PIEZO2: variants seen among roughly 807,000 people sequenced by gnomAD.
PIEZO2 encodes piezo type mechanosensitive ion channel component 2.
A neutral mutation model predicts 337.3 loss-of-function variants in PIEZO2; 172 were observed. The ratio of observed to expected loss-of-function variants is 0.51; its 90% CI spans 0.45 to 0.58. The LOEUF (loss-of-function observed/expected upper bound fraction) is 0.58, where lower values mean the gene tolerates loss of function less well. Ranked by LOEUF, PIEZO2 falls within the 20% of genes least tolerant of loss-of-function variation. PIEZO2 has a pLI of 0.00. For synonymous variants in PIEZO2, 1,251 were observed against 1,228.5 expected, an observed-to-expected ratio of 1.02 and a Z score of -0.38; for missense variants, 3,028 against 3,391.3, an observed-to-expected ratio of 0.89 and a Z score of 2.66.
intron 49 of PIEZO2, among the ~76,000 whole-genome samples, chr18:10,687,423 A>G (rs678187): frequency 0.98 from 148,708 of 152,176 alleles, 72,675 homozygotes; most frequent in East Asian, 1. Context: ...CGTGATGGTG[A>G]GGCATTGTAT....
Position 11,126,951 on chromosome 18 carries a change from T to C in PIEZO2, c.64+21574A>G, listed in dbSNP as rs2040199300. Reference sequence around the variant, plus strand: ...GAACATTTAAGGCAATGCACTGAACTGTTGTGTGCTTACTACAGGCCAGGC... The same window carrying C: ...GAACATTTAAGGCAATGCACTGAACCGTTGTGTGCTTACTACAGGCCAGGC... On this transcript the variant is annotated intron_variant, in intron 1 of 55. Transcript: ENST00000674853. This position sits in a 1 kb window ranked among gnomAD's most constrained non-coding sequence, Gnocchi z 4.6. 6.6e-6 allele frequency among the ~76,000 whole-genome samples: 1 copy of C among 152,184 alleles called. No individual in the cohort carries two copies. The highest frequency in any genetic ancestry group is 2.4e-5 in the African/African-American group (1 of 41,434).
chr18:10,725,250 C>A, intron 36 of PIEZO2: 3 of 1,563,314 alleles, frequency 1.9e-6, no homozygotes, highest in Non-Finnish European at 1.8e-6. Flanking sequence ...AGGCTGCCAC[C>A]GGCAGGCAGC....
chr18:10,944,924 C>A (rs1323424539), intron 3 of PIEZO2, among the ~76,000 whole-genome samples: 1 of 152,120 alleles, frequency 6.6e-6, no homozygotes, highest in African/African-American at 2.4e-5. Context: ...CTACCAGATT[C>A]TTGCCGTGAG....
At chr18:11,133,162 G>C (rs947512850) in intron 1 of PIEZO2, among the ~76,000 whole-genome samples, 1 of 152,094 alleles carries the variant, frequency 6.6e-6, no homozygotes, top group African/African-American at 2.4e-5. Flanking sequence ...GTATACACTT[G>C]TACTCAGAAA....
intron 3 of PIEZO2, among the ~76,000 whole-genome samples, chr18:10,932,289 G>T (rs908432502): frequency 9.2e-5 from 14 of 152,084 alleles, no homozygotes; most frequent in African/African-American, 3.4e-4. Context: ...CCAGCTACTG[G>T]GGAGGCTGAG....
chr18:10,891,785 C>T (rs898087423), intron 4 of PIEZO2, among the ~76,000 whole-genome samples: 1 of 152,114 alleles, frequency 6.6e-6, no homozygotes, highest in Non-Finnish European at 1.5e-5. Context: ...AAATAGTAAT[C>T]AAATGAGTGA....
chr18:10,982,361 C>T lies in PIEZO2; in HGVS notation c.161-2701G>A, dbSNP rs1245582733. 6.7e-6 allele frequency among the ~76,000 whole-genome samples: 1 copy of T among 149,322 alleles called. No individual in the cohort carries two copies. Among genetic ancestry groups the T allele is most frequent in the African/African-American group, 2.5e-5 (1 of 39,806 alleles). On this transcript the variant is annotated intron_variant, in intron 2 of 55. Coordinates refer to ENST00000674853, the MANE Select transcript of PIEZO2 (RefSeq NM_001378183.1). This position sits in a 1 kb window ranked among gnomAD's most constrained non-coding sequence, Gnocchi z 4.1. ...AAAGAATGCTTAAGACCGTTCTTGA[C>T]AAAATTGTAAAAAAAAAATAGAAAA...
At chr18:10,981,097 T>G (rs1168178359) in intron 2 of PIEZO2, among the ~76,000 whole-genome samples, 1 of 152,162 alleles carries the variant, frequency 6.6e-6, no homozygotes, top group Non-Finnish European at 1.5e-5. Flanking sequence ...ATATCAATTG[T>G]GTAAGCCAAT....
rs2033773954 is a variant in PIEZO2, at chr18:10,671,524, GT to G, written c.*2del. ...CATTATTTGCAGTCTGTGTTCTAAGGTTTCAATTTGTTTTTTCTCTAGTCCA... is the reference window on the plus strand; with the variant it reads ...CATTATTTGCAGTCTGTGTTCTAAGGTTCAATTTGTTTTTTCTCTAGTCCA... On this transcript the variant is annotated 3_prime_UTR_variant, in exon 56 of 56. Coordinates refer to ENST00000674853, the MANE Select transcript of PIEZO2 (RefSeq NM_001378183.1). 1 of 1,606,390 alleles carries G rather than the reference GT, an allele frequency of 6.2e-7. No individual in the cohort carries two copies. The highest frequency in any genetic ancestry group is 1.3e-5 in the African/African-American group (1 of 74,476).
rs2035202403 is a variant in PIEZO2, at chr18:10,993,837, T to C, written c.161-14177A>G. Among the ~76,000 whole-genome samples the C allele has an allele frequency of 6.9e-6, 1 of 145,288 alleles. No homozygotes were observed. Among genetic ancestry groups the C allele is most frequent in the African/African-American group, 2.8e-5 (1 of 35,518 alleles). ...CCACCGCTCCTGGCCATGTCTCTGC[T>C]TTTTTTTTATTATTAATTTTAAAAT... is the stretch of plus-strand genomic sequence containing the variant. On this transcript the variant is annotated intron_variant, in intron 2 of 55. Transcript: ENST00000674853. The surrounding 1 kb of genome is among the most constrained non-coding windows in gnomAD (Gnocchi z 5.0).
intron 49 of PIEZO2, among the ~76,000 whole-genome samples, chr18:10,687,065 C>T (rs1051226678): frequency 6.6e-6 from 1 of 152,146 alleles, no homozygotes; most frequent in African/African-American, 2.4e-5. Context: ...GTATCACGTG[C>T]CCCTCTGCCA....
chr18:10,818,334 A>T (rs940149551), intron 7 of PIEZO2, among the ~76,000 whole-genome samples: 7 of 152,210 alleles, frequency 4.6e-5, no homozygotes, highest in Admixed American at 2.0e-4. Flanking sequence ...AACTAATAAG[A>T]AGTTAATATG....
At chr18:11,014,704 AGGGCCCCCCTCATTCCTCAC>A in intron 2 of PIEZO2, among the ~76,000 whole-genome samples, 1 of 128,414 alleles carries the variant, frequency 7.8e-6, no homozygotes, top group South Asian at 2.8e-4. Flanking sequence ...ACAGCGATCC[AGGGCCCCCCTCATTCCTCAC>A]TGGTGGGCAC....
At chr18:10,715,272 T>C (rs1439781952) in intron 38 of PIEZO2, among the ~76,000 whole-genome samples, 2 of 152,268 alleles carry the variant, frequency 1.3e-5, no homozygotes, top group East Asian at 3.9e-4. Context: ...GATCAAACTT[T>C]CCAGACTTCA....
chr18:11,097,833 G>A lies in PIEZO2; in HGVS notation c.65-31611C>T. Among the ~76,000 whole-genome samples the A allele has an allele frequency of 6.6e-6, 1 of 152,234 alleles. No individual in the cohort carries two copies. Among genetic ancestry groups the A allele is most frequent in the Non-Finnish European group, 1.5e-5 (1 of 68,020 alleles). ...GGGCTGTTTTCTAAAGACTTCTGTG[G>A]ACTTCTATGTTTTGTCTTTATTCAA... On this transcript the variant is annotated intron_variant, in intron 1 of 55. Coordinates refer to ENST00000674853, the MANE Select transcript of PIEZO2 (RefSeq NM_001378183.1). The surrounding 1 kb of genome is among the most constrained non-coding windows in gnomAD (Gnocchi z 5.0).
In PIEZO2 at chr18:11,071,768, C is replaced by T. The variant is rs531162898; in HGVS notation, c.65-5546G>A. Among the ~76,000 whole-genome samples the T allele has an allele frequency of 7.2e-5, 11 of 152,146 alleles. No individual in the cohort carries two copies. In the South Asian group the frequency reaches 2.1e-3, roughly 29 times the overall value. On this transcript the variant is annotated intron_variant, in intron 1 of 55. Coordinates refer to ENST00000674853, the MANE Select transcript of PIEZO2 (RefSeq NM_001378183.1). ...ACCCTTCCAACTCACAGAAGACAGC[C>T]CCAAAGAGCCCAGTGTGCAAGCAGA...
In PIEZO2 at chr18:11,021,628, G is replaced by A. The variant is rs939901059; in HGVS notation, c.161-41968C>T. Among the ~76,000 whole-genome samples the A allele has an allele frequency of 3.7e-4, 56 of 152,276 alleles. No homozygotes were observed. Among genetic ancestry groups the A allele is most frequent in the African/African-American group, 1.3e-3 (56 of 41,556 alleles). ...AAGTGGGGTTCCTGGGGGACTTTGAGTCTCACGGATCTGGTGATCCAGCAC... is the reference window on the plus strand; with the variant it reads ...AAGTGGGGTTCCTGGGGGACTTTGAATCTCACGGATCTGGTGATCCAGCAC... On this transcript the variant is annotated intron_variant, in intron 2 of 55. Transcript: ENST00000674853. This position sits in a 1 kb window ranked among gnomAD's most constrained non-coding sequence, Gnocchi z 4.7.
At chr18:10,747,577 G>A (rs545304460) in intron 30 of PIEZO2, among the ~76,000 whole-genome samples, 10 of 152,292 alleles carry the variant, frequency 6.6e-5, no homozygotes, top group African/African-American at 2.2e-4. Flanking sequence ...TGTCATCCAC[G>A]GAATGAGGGC....
At chr18:10,793,062 T>C (rs2039459249) in intron 13 of PIEZO2, among the ~76,000 whole-genome samples, 1 of 152,142 alleles carries the variant, frequency 6.6e-6, no homozygotes, top group African/African-American at 2.4e-5. Flanking sequence ...GAGACCATCC[T>C]GGCTAACATG....
Sources: allele counts gnomAD v4.1 joint callset (sites outside exome capture counted in the v4.1 genomes callset), GRCh38; gene constraint gnomAD v4.1.1; non-coding constraint Gnocchi (gnomAD v3.1); transcripts MANE v1.5; gene names NCBI Gene and HGNC (gene_info 2026-07-23, HGNC 2026-07-21).